Variants in FHL5 observed in about 807,000 individuals in gnomAD.
The protein encoded by FHL5 is four and a half LIM domains protein 5.
Under a neutral mutation model 32.0 loss-of-function variants are expected in FHL5, and 33 were observed. The observed-to-expected ratio is 1.03, with a 90% confidence interval of 0.78 to 1.38. FHL5 has a LOEUF of 1.38. Among genes scored for constraint, FHL5 ranks in the 40% most tolerant of loss-of-function variants. The pLI is 0.00. For missense variants in FHL5, 336 were observed against 343.9 expected, an observed-to-expected ratio of 0.98 and a Z score of 0.18; for synonymous variants, 114 against 113.6, an observed-to-expected ratio of 1.00 and a Z score of -0.02.
intron 4 of FHL5, among the ~76,000 whole-genome samples, chr6:96,609,356 A>T (rs1303110690): frequency 1.3e-5 from 2 of 152,172 alleles, no homozygotes; most frequent in African/African-American, 4.8e-5. Context: ...ACAAAAACAC[A>T]TTCCAGTATC....
intron 1 of FHL5, among the ~76,000 whole-genome samples, chr6:96,601,658 G>A (rs765293027): frequency 6.6e-6 from 1 of 152,136 alleles, no homozygotes; most frequent in Non-Finnish European, 1.5e-5. Flanking sequence ...GAGGGGCCGT[G>A]TTTCATGATG....
intron 1 of FHL5, among the ~76,000 whole-genome samples, chr6:96,571,475 C>G (rs1770477139): frequency 6.6e-6 from 1 of 152,174 alleles, no homozygotes; most frequent in Non-Finnish European, 1.5e-5. Flanking sequence ...GGCATGGGTT[C>G]TACGTGCAGT....
intron 1 of FHL5, among the ~76,000 whole-genome samples, chr6:96,584,862 G>T (rs117840142): frequency 5.9e-5 from 9 of 152,174 alleles, no homozygotes; most frequent in African/African-American, 2.2e-4. Flanking sequence ...TTCTAAGGTA[G>T]AATTAATAGG....
Position 96,599,757 on chromosome 6 carries a change from T to C in FHL5, c.-12-3845T>C, listed in dbSNP as rs190046495. On this transcript the variant is annotated intron_variant, in intron 1 of 5. Transcript: ENST00000450218. ...TTGACAAGAATGTCTAAGTGATATA[T>C]TGCAAGTGAATGACTAGCACTGCTG... Among the ~76,000 whole-genome samples, 141 of 152,340 alleles carry C rather than the reference T, an allele frequency of 9.3e-4. 1 individual carries two copies. Among genetic ancestry groups the C allele is most frequent in the African/African-American group, 3.3e-3 (137 of 41,580 alleles).
intron 1 of FHL5, among the ~76,000 whole-genome samples, chr6:96,580,292 C>G (rs980257426): frequency 6.6e-6 from 1 of 152,050 alleles, no homozygotes; most frequent in African/African-American, 2.4e-5. Context: ...TAGAGATCAC[C>G]CAGTATACAA....
rs1215106646 is a variant in FHL5, at chr6:96,617,314, T to C, written c.*1542T>C. Among the ~76,000 whole-genome samples, 1 of 152,202 alleles carries C rather than the reference T, an allele frequency of 6.6e-6. No homozygotes were observed. Among genetic ancestry groups the C allele is most frequent in the Non-Finnish European group, 1.5e-5 (1 of 68,038 alleles). ...ACATTATAGCATTAAAGGTTTTGAT[T>C]AAAATCTAATTGTAAGATACTGCTG... On this transcript the variant is annotated 3_prime_UTR_variant, in exon 6 of 6. Transcript: ENST00000450218.
chr6:96,569,123 A>G (rs964078720), intron 1 of FHL5, among the ~76,000 whole-genome samples: 2 of 151,718 alleles, frequency 1.3e-5, no homozygotes, highest in African/African-American at 4.8e-5. Context: ...TATACCCCAG[A>G]TGTTTTGGTA....
rs370055540 is a variant in FHL5 at position 96,601,283 on chromosome 6, G to A, written c.-12-2319G>A. 4.0e-5 allele frequency among the ~76,000 whole-genome samples: 6 copies of A among 151,886 alleles called. No homozygotes were observed. The East Asian group carries it at 5.8e-4, about 15-fold the overall frequency. On this transcript the variant is annotated intron_variant, in intron 1 of 5. Coordinates refer to ENST00000450218, the MANE Select transcript of FHL5 (RefSeq NM_001322466.2). ...CGGGAAGTAGAGGTTGCAGTGAGCC[G>A]AGATCACACCACAGCACTCCAGCCT...
intron 5 of FHL5, among the ~76,000 whole-genome samples, chr6:96,613,070 A>G (rs1007596126): frequency 6.6e-6 from 1 of 152,220 alleles, no homozygotes; most frequent in Non-Finnish European, 1.5e-5. Flanking sequence ...TATGTATTAT[A>G]TACTTGAAAA....
In FHL5 at chr6:96,618,246, A is replaced by C. The variant is rs1771561436; in HGVS notation, c.*2474A>C. Among the ~76,000 whole-genome samples, 1 of 152,248 alleles carries C rather than the reference A, an allele frequency of 6.6e-6. No individual in the cohort carries two copies. Among genetic ancestry groups the C allele is most frequent in the Non-Finnish European group, 1.5e-5 (1 of 68,040 alleles). Reference sequence around the variant, plus strand: ...ACTTATCCAAAGATGAAATGGACTGACTCAGGAAACAGTGGGCTCCCAGTA... The same window carrying C: ...ACTTATCCAAAGATGAAATGGACTGCCTCAGGAAACAGTGGGCTCCCAGTA... On this transcript the variant is annotated 3_prime_UTR_variant, in exon 6 of 6. Transcript: ENST00000450218.
intron 1 of FHL5, among the ~76,000 whole-genome samples, chr6:96,590,370 G>T (rs186067708): frequency 4.6e-4 from 70 of 151,604 alleles, no homozygotes; most frequent in African/African-American, 1.6e-3. Context: ...TTCTTATTAG[G>T]TTTCTCAGGG....
At chr6:96,611,053 A>C (rs1771396473) in intron 5 of FHL5, among the ~76,000 whole-genome samples, 1 of 152,234 alleles carries the variant, frequency 6.6e-6, no homozygotes, top group Non-Finnish European at 1.5e-5. Flanking sequence ...CTGAGAGGTT[A>C]GTGCAGGCCT....
chr6:96,610,712 C>G lies in FHL5; in HGVS notation c.645C>G (p.Asn215Lys), dbSNP rs1178727328. 1 of 1,613,896 alleles carries G rather than the reference C, an allele frequency of 6.2e-7. No homozygotes were observed. Among genetic ancestry groups the G allele is most frequent in the Non-Finnish European group, 8.5e-7 (1 of 1,179,792 alleles). The change falls in exon 5 of 6, where the codon AAC becomes AAG. Residue 215 changes from asparagine (N) to lysine (K), a missense_variant. Coordinates refer to ENST00000450218, the MANE Select transcript of FHL5 (RefSeq NM_001322466.2). ...ATCCATTCTGCGTGGACTGCTACAA[C>G]CATCTTTATGCCAACAAGTGTGTAG... ...DDYPFCVDCY[N>K]HLYANKCVAC... is the part of the protein sequence containing the mutation.
intron 1 of FHL5, among the ~76,000 whole-genome samples, chr6:96,574,684 A>G (rs1461009353): frequency 6.6e-6 from 1 of 152,200 alleles, no homozygotes; most frequent in Non-Finnish European, 1.5e-5. Context: ...GCATTCATAT[A>G]TATTTTTAAG....
intron 1 of FHL5, among the ~76,000 whole-genome samples, chr6:96,600,138 G>C (rs958475404): frequency 2.6e-4 from 39 of 152,148 alleles, no homozygotes; most frequent in Admixed American, 2.6e-3. Flanking sequence ...AGTAAAAAGT[G>C]GTCAGATTGG....
chr6:96,587,900 T>C (rs1252838696), intron 1 of FHL5, among the ~76,000 whole-genome samples: 1 of 152,250 alleles, frequency 6.6e-6, no homozygotes, highest in African/African-American at 2.4e-5. Context: ...GGAGGGTACC[T>C]GTAAGTCATC....
rs1399425231 is a variant in FHL5 at position 96,617,095 on chromosome 6, T to C, written c.*1323T>C. Among the ~76,000 whole-genome samples the C allele has an allele frequency of 6.6e-6, 1 of 152,212 alleles. No individual in the cohort carries two copies. The highest frequency in any genetic ancestry group is 2.4e-5 in the African/African-American group (1 of 41,450). On this transcript the variant is annotated 3_prime_UTR_variant, in exon 6 of 6. Coordinates refer to ENST00000450218, the MANE Select transcript of FHL5 (RefSeq NM_001322466.2). ...AGAAGTCCATCACCAGGTTTATCTT[T>C]ATACCAGACTTTAACTGATCATGAC...
chr6:96,582,003 T>C (rs142137613), intron 1 of FHL5, among the ~76,000 whole-genome samples: 95 of 152,268 alleles, frequency 6.2e-4, no homozygotes, highest in African/African-American at 2.0e-3. Flanking sequence ...CTGAATACTT[T>C]TAGATAAATT....
chr6:96,567,488 A>G (rs1237210884), intron 1 of FHL5, among the ~76,000 whole-genome samples: 3 of 151,922 alleles, frequency 2.0e-5, no homozygotes, highest in African/African-American at 4.8e-5. Context: ...GTGGTTTCAT[A>G]TAAATTGTAG....
Sources: gnomAD v4.1 joint callset for allele counts (sites outside exome capture counted in the v4.1 genomes callset) on GRCh38, gnomAD v4.1.1 for gene constraint, MANE v1.5 for transcripts, NCBI Gene and HGNC (gene_info 2026-07-23, HGNC 2026-07-21) for gene names.